The following CNTN5 variants were observed in gnomAD, a reference collection of about 807,000 sequenced individuals.
CNTN5 encodes contactin-5.
CNTN5 carries 77 observed loss-of-function variants against 129.1 expected under a neutral mutation model. The ratio of observed to expected loss-of-function variants is 0.60; its 90% CI spans 0.50 to 0.72. The LOEUF (loss-of-function observed/expected upper bound fraction) is 0.72, where lower values mean the gene tolerates loss of function less well. Ranked by LOEUF, CNTN5 falls within the 30% of genes least tolerant of loss-of-function variation. The probability of loss-of-function intolerance (pLI) is 0.00; values close to 1 mark genes in which losing one functional copy is unlikely to be tolerated. For missense variants in CNTN5, 1,478 were observed against 1,328.8 expected, an observed-to-expected ratio of 1.11 and a Z score of -1.75; for synonymous variants, 509 against 465.6, an observed-to-expected ratio of 1.09 and a Z score of -1.20.
At chr11:99,665,779 G>A (rs1236975138) in intron 3 of CNTN5, among the ~76,000 whole-genome samples, 2 of 151,958 alleles carry the variant, frequency 1.3e-5, no homozygotes, top group African/African-American at 2.4e-5. Flanking sequence ...GAGCCACCGC[G>A]CCTGGCCTAG....
chr11:100,165,523 A>C (rs546704540), intron 13 of CNTN5, among the ~76,000 whole-genome samples: 1 of 151,854 alleles, frequency 6.6e-6, no homozygotes, highest in Non-Finnish European at 1.5e-5. Flanking sequence ...TTACTAACTT[A>C]CAGGAAGTAT....
chr11:99,770,126 A>G (rs533514420), intron 3 of CNTN5, among the ~76,000 whole-genome samples: 1 of 152,068 alleles, frequency 6.6e-6, no homozygotes, highest in Non-Finnish European at 1.5e-5. Context: ...ATTTACTTGA[A>G]TTTGTTCTTT....
At chr11:99,906,965 G>C (rs969844930) in intron 6 of CNTN5, among the ~76,000 whole-genome samples, 1 of 152,018 alleles carries the variant, frequency 6.6e-6, no homozygotes, top group Non-Finnish European at 1.5e-5. Context: ...GGGATCAGTG[G>C]TGATATCCAC....
chr11:99,030,901 C>A (rs967990004), intron 1 of CNTN5, among the ~76,000 whole-genome samples: 1 of 151,852 alleles, frequency 6.6e-6, no homozygotes, highest in African/African-American at 2.4e-5. Flanking sequence ...CTGCCTCAGC[C>A]TCCCGAGTAG....
At chr11:99,716,432 C>A (rs1387447804) in intron 3 of CNTN5, among the ~76,000 whole-genome samples, 1 of 151,970 alleles carries the variant, frequency 6.6e-6, no homozygotes, top group Non-Finnish European at 1.5e-5. Flanking sequence ...CCTCAGTATC[C>A]TGAATGAGCT....
chr11:100,024,864 G>A (rs1440704241), intron 9 of CNTN5, among the ~76,000 whole-genome samples: 1 of 152,160 alleles, frequency 6.6e-6, no homozygotes, highest in Non-Finnish European at 1.5e-5. Context: ...CAAATAGATG[G>A]TTTGGAATTG....
At chr11:99,668,989 G>C (rs958710699) in intron 3 of CNTN5, among the ~76,000 whole-genome samples, 4 of 152,048 alleles carry the variant, frequency 2.6e-5, no homozygotes, top group Non-Finnish European at 4.4e-5. Context: ...ATCACCACAA[G>C]ACTACAATTT....
rs368303726 is a variant in CNTN5 at position 99,539,121 on chromosome 11, T to C, written c.-70-17024T>C. Among the ~76,000 whole-genome samples the C allele has an allele frequency of 1.9e-3, 291 of 152,222 alleles. 3 individuals are homozygous for C. The highest frequency in any genetic ancestry group is 6.2e-3 in the African/African-American group (259 of 41,568). On this transcript the variant is annotated intron_variant, in intron 2 of 24. Transcript: ENST00000524871. ...TTATTCATAGATAACTTGAACTTCATACCAGATTTAGTCTAAATGATCATA... is the reference window on the plus strand; with the variant it reads ...TTATTCATAGATAACTTGAACTTCACACCAGATTTAGTCTAAATGATCATA...
chr11:99,446,575 AT>A, intron 2 of CNTN5, among the ~76,000 whole-genome samples: 1 of 152,116 alleles, frequency 6.6e-6, no homozygotes. Context: ...TGTTTTTATT[AT>A]TATCTTTCAC....
At position 100,353,015 on chromosome 11, in the gene CNTN5, C is replaced by T. The variant is rs770641062; in HGVS notation, c.3199+2145C>T. Among the ~76,000 whole-genome samples the T allele has an allele frequency of 3.5e-4, 53 of 151,302 alleles. 1 individual carries two copies. Among genetic ancestry groups the T allele is most frequent in the Non-Finnish European group, 3.4e-4 (23 of 67,578 alleles). On this transcript the variant is annotated intron_variant, in intron 24 of 24. Coordinates refer to ENST00000524871, the MANE Select transcript of CNTN5 (RefSeq NM_014361.4). ...AATCCTTTGGGTTAGGTATTTTATT[C>T]TTCTCTGACTCTCTAAGGTTACTTT...
chr11:100,349,391 C>T (rs182016471), intron 23 of CNTN5, among the ~76,000 whole-genome samples: 2 of 151,966 alleles, frequency 1.3e-5, no homozygotes, highest in Admixed American at 1.3e-4. Flanking sequence ...AGTTAATAAA[C>T]AATGATGGCA....
chr11:99,413,494 C>G, intron 2 of CNTN5, among the ~76,000 whole-genome samples: 1 of 152,032 alleles, frequency 6.6e-6, no homozygotes, highest in East Asian at 1.9e-4. Context: ...TGGTGGGCAC[C>G]TGTAATTCCA....
chr11:99,899,524 T>C lies in CNTN5; in HGVS notation c.578-16530T>C, dbSNP rs868154146. ...TTATATCTGTTTATGTGGTGGATCATGTTTATTGATTTATGTATATTGAGC... is the reference window on the plus strand; with the variant it reads ...TTATATCTGTTTATGTGGTGGATCACGTTTATTGATTTATGTATATTGAGC... On this transcript the variant is annotated intron_variant, in intron 6 of 24. Transcript: ENST00000524871. Among the ~76,000 whole-genome samples the C allele has an allele frequency of 3.0e-4, 46 of 152,166 alleles. 1 individual carries two copies. The highest frequency in any genetic ancestry group is 9.4e-4 in the African/African-American group (39 of 41,560).
chr11:100,110,201 GAAAAGA>G (rs1391245681), intron 13 of CNTN5, among the ~76,000 whole-genome samples: 3 of 139,458 alleles, frequency 2.2e-5, no homozygotes, highest in Non-Finnish European at 3.0e-5. Context: ...AAAAAAAAAA[GAAAAGA>G]AAAAGAAAAG....
rs540314189 is a variant in CNTN5 at position 99,254,392 on chromosome 11, C to T, written c.-209-70954C>T. ...GTACTGCCGAAATACATCATGGAAACTCAGTTGAGAATTATTTGTTATGAG... is the reference window on the plus strand; with the variant it reads ...GTACTGCCGAAATACATCATGGAAATTCAGTTGAGAATTATTTGTTATGAG... On this transcript the variant is annotated intron_variant, in intron 1 of 24. Transcript: ENST00000524871. 2.7e-4 allele frequency among the ~76,000 whole-genome samples: 41 copies of T among 152,010 alleles called. No individual in the cohort carries two copies. The South Asian group carries it at 7.9e-3, about 29-fold the overall frequency.
chr11:99,181,156 A>G (rs1478123915), intron 1 of CNTN5, among the ~76,000 whole-genome samples: 1 of 152,120 alleles, frequency 6.6e-6, no homozygotes, highest in Admixed American at 6.5e-5. Context: ...AAGCATCTAG[A>G]TTACTGGGGA....
intron 1 of CNTN5, among the ~76,000 whole-genome samples, chr11:99,307,898 A>T (rs1864943730): frequency 6.6e-6 from 1 of 152,192 alleles, no homozygotes; most frequent in South Asian, 2.1e-4. Context: ...AGCCAAACAC[A>T]TACACCCAAA....
At chr11:99,714,838 A>G (rs1955151130) in intron 3 of CNTN5, among the ~76,000 whole-genome samples, 1 of 105,650 alleles carries the variant, frequency 9.5e-6, no homozygotes, top group African/African-American at 3.5e-5. Flanking sequence ...GCCTGTTTGA[A>G]CTTCAGCTCA....
chr11:100,141,481 A>C (rs1435276854), intron 13 of CNTN5, among the ~76,000 whole-genome samples: 1 of 152,182 alleles, frequency 6.6e-6, no homozygotes, highest in Non-Finnish European at 1.5e-5. Flanking sequence ...AGTGGCTTGC[A>C]GAAGGAGAGG....
Sources: gnomAD v4.1 joint callset for allele counts (sites outside exome capture counted in the v4.1 genomes callset) on GRCh38, gnomAD v4.1.1 for gene constraint, MANE v1.5 for transcripts, NCBI Gene and HGNC (gene_info 2026-07-23, HGNC 2026-07-21) for gene names.